Variants in EML5 observed in about 807,000 individuals in gnomAD.
The protein encoded by EML5 is echinoderm microtubule-associated protein-like 5.
EML5 carries 120 observed loss-of-function variants against 250.0 expected under a neutral mutation model. The ratio of observed to expected loss-of-function variants is 0.48; its 90% confidence interval spans 0.41 to 0.56. The LOEUF is 0.56. Ranked by LOEUF, EML5 falls within the 20% of genes least tolerant of loss-of-function variation. EML5 has a pLI of 0.00. For synonymous variants in EML5, 771 were observed against 806.5 expected (o/e 0.96, Z 0.75); for missense variants, 2,006 against 2,437.6 (o/e 0.82, Z 3.73).
At chr14:88,618,523 C>T in intron 40 of EML5, 127 bp downstream of exon 40, 1 of 1,216,758 alleles carries the variant, frequency 8.2e-7, no homozygotes, top group East Asian at 2.6e-5. Context: ...AGCTGTAGGT[C>T]AGAAGGTACA....
At chr14:88,655,700 T>C (rs1232245973) in intron 27 of EML5, among the ~76,000 whole-genome samples, 2 of 152,004 alleles carry the variant, frequency 1.3e-5, no homozygotes, top group Non-Finnish European at 2.9e-5. Flanking sequence ...ACCTACAGAA[T>C]GGGAGAAAAT....
At chr14:88,674,657 C>T (rs1355603716) in intron 21 of EML5, among the ~76,000 whole-genome samples, 1 of 152,182 alleles carries the variant, frequency 6.6e-6, no homozygotes, top group African/African-American at 2.4e-5. Context: ...CATGTCCTCA[C>T]ATTTCAAACC....
intron 8 of EML5, among the ~76,000 whole-genome samples, chr14:88,722,569 A>G (rs2093606673): frequency 6.6e-6 from 1 of 151,970 alleles, no homozygotes; most frequent in Non-Finnish European, 1.5e-5. Flanking sequence ...AACAATGAGA[A>G]CTATGGACAC....
chr14:88,783,151 A>G (rs1407176376), intron 1 of EML5, among the ~76,000 whole-genome samples: 4 of 152,252 alleles, frequency 2.6e-5, no homozygotes, highest in Non-Finnish European at 5.9e-5. Flanking sequence ...GGTATGTTGC[A>G]GGGGCGGAGC....
In EML5 at chr14:88,616,194, GA is replaced by G; in HGVS notation, c.5844del (p.Arg1949AspfsTer33). 1 of 1,613,902 alleles carries G rather than the reference GA, an allele frequency of 6.2e-7. No homozygotes were observed. The highest frequency in any genetic ancestry group is 8.5e-7 in the Non-Finnish European group (1 of 1,179,812). On this transcript the variant is annotated frameshift_variant, in exon 43 of 44. Coordinates refer to ENST00000554922, the MANE Select transcript of EML5 (RefSeq NM_183387.3). LOFTEE classifies it high-confidence loss of function. ...FLGHSPHVTN[I>X]RFTSGDRHVV... The stretch of plus-strand genomic sequence containing the variant: ...ACATGTCGATCACCACTGGTAAATC[GA>G]ATATTTGTCACATGGGGCGAATGAC...
chr14:88,763,751 TACTC>T (rs1465458888), intron 1 of EML5, among the ~76,000 whole-genome samples: 1 of 152,140 alleles, frequency 6.6e-6, no homozygotes, highest in Admixed American at 6.5e-5. Flanking sequence ...GATGCAAAAA[TACTC>T]AATAAAATAG....
chr14:88,657,380 C>T lies in EML5; in HGVS notation c.4000G>A (p.Glu1334Lys). The T allele has an allele frequency of 6.4e-7, 1 of 1,564,678 alleles. No homozygotes were observed. Among genetic ancestry groups the T allele is most frequent in the Non-Finnish European group, 8.7e-7 (1 of 1,153,522 alleles). The change falls in exon 27 of 44, where the codon GAA (glutamate) becomes AAA (lysine). Residue 1334 changes from glutamate (E) to lysine (K), a missense_variant. Glu to Lys is a moderately conservative substitution (Grantham distance 56, BLOSUM62 1). Transcript: ENST00000554922. ...HLQQKEPSID[E>K]RQGVVRGSRP... ...AATACTAAACTAAATTATTACCTTTCATCAATTGAGGGTTCTTTTTGTTGT... is the reference window on the plus strand; with the variant it reads ...AATACTAAACTAAATTATTACCTTTTATCAATTGAGGGTTCTTTTTGTTGT...
intron 36 of EML5, chr14:88,624,404 T>G (rs1238737862): frequency 6.5e-6 from 1 of 152,722 alleles, no homozygotes; most frequent in African/African-American, 2.4e-5. Flanking sequence ...TGCATATGAC[T>G]ATGTTGGTGA....
intron 1 of EML5, among the ~76,000 whole-genome samples, chr14:88,757,991 T>A (rs192728885): frequency 2.3e-4 from 35 of 150,752 alleles, no homozygotes; most frequent in African/African-American, 8.0e-4. Context: ...TAGCTGAGAC[T>A]ACAGGTGGGT....
In EML5 at chr14:88,697,167, T is replaced by C. The variant is rs148723377; in HGVS notation, c.2239-215A>G. ...CTAGGCTCAGTGTTTCCAGGAATGA[T>C]GTAACTAACACTATGTGACTTTTAT... On this transcript the variant is annotated intron_variant, in intron 14 of 43. Coordinates refer to ENST00000554922, the MANE Select transcript of EML5 (RefSeq NM_183387.3). 9.3e-3 allele frequency among the ~76,000 whole-genome samples: 1,424 copies of C among 152,318 alleles called. 25 individuals carry two copies. Among genetic ancestry groups the C allele is most frequent in the African/African-American group, 0.033 (1,358 of 41,570 alleles).
chr14:88,774,484 C>T (rs2094429116), intron 1 of EML5, among the ~76,000 whole-genome samples: 1 of 152,194 alleles, frequency 6.6e-6, no homozygotes, highest in Non-Finnish European at 1.5e-5. Flanking sequence ...TCCTGCTCTT[C>T]CTTTTCCCCT....
chr14:88,745,599 T>C (rs2093993813), intron 3 of EML5, among the ~76,000 whole-genome samples: 2 of 152,144 alleles, frequency 1.3e-5, no homozygotes, highest in Non-Finnish European at 2.9e-5. Flanking sequence ...ATAATACATA[T>C]GTAACAAATT....
chr14:88,705,599 T>C lies in EML5; in HGVS notation c.1826-11A>G. Reference sequence around the variant, plus strand: ...AGTCAGCCAGACTTTCTGTAATTTTTAAAAATGAAATGTTACTTGTTTAAA... The same window carrying C: ...AGTCAGCCAGACTTTCTGTAATTTTCAAAAATGAAATGTTACTTGTTTAAA... On this transcript the variant is annotated splice_polypyrimidine_tract_variant and intron_variant, in intron 11 of 43. Transcript: ENST00000554922. 6.5e-7 allele frequency: 1 copy of C among 1,549,104 alleles called. No homozygotes were observed. The highest frequency in any genetic ancestry group is 8.8e-7 in the Non-Finnish European group (1 of 1,139,936).
intron 28 of EML5, 36 bp downstream of exon 28, chr14:88,649,876 T>A (rs2091537953): frequency 6.9e-7 from 1 of 1,457,310 alleles, no homozygotes; most frequent in Non-Finnish European, 9.2e-7. Flanking sequence ...AAGGGTAAAT[T>A]TTTGAATAAA....
At chr14:88,767,558 G>A (rs1334339517) in intron 1 of EML5, among the ~76,000 whole-genome samples, 2 of 152,162 alleles carry the variant, frequency 1.3e-5, no homozygotes, top group South Asian at 2.1e-4. Context: ...TCATAATATT[G>A]TTACACTGTA....
At chr14:88,672,575 C>T (rs988884777) in intron 21 of EML5, among the ~76,000 whole-genome samples, 6 of 151,576 alleles carry the variant, frequency 4.0e-5, no homozygotes, top group South Asian at 4.2e-4. Flanking sequence ...GATAGAGACA[C>T]GAAAAGCGCG....
intron 25 of EML5, among the ~76,000 whole-genome samples, chr14:88,660,175 C>T: frequency 6.6e-6 from 1 of 150,828 alleles, no homozygotes; most frequent in Non-Finnish European, 1.5e-5. Flanking sequence ...CCCAGTTACT[C>T]AAGAGGCTGA....
At chr14:88,732,113 T>C (rs1238468773) in intron 7 of EML5, among the ~76,000 whole-genome samples, 2 of 152,230 alleles carry the variant, frequency 1.3e-5, no homozygotes, top group Non-Finnish European at 2.9e-5. Flanking sequence ...CCATTGCTTT[T>C]GGTGTTTTAG....
rs750397286 is a variant in EML5, at chr14:88,644,692, A to G, written c.4029-181T>C. The G allele has an allele frequency of 1.4e-5, 7 of 501,800 alleles. No individual in the cohort carries two copies. In the Admixed American group the frequency reaches 1.4e-4, roughly 10 times the overall value. 31.1% of individuals were successfully genotyped at this position (501,800 alleles called of 1,614,324 possible). ...TCTAAAGCAGGAAGGTAGAAAGAAA[A>G]TATTACAACTTTTATTCATTTTATT... On this transcript the variant is annotated intron_variant, in intron 29 of 43. Transcript: ENST00000554922.
Sources: gnomAD v4.1 joint callset for allele counts (sites outside exome capture counted in the v4.1 genomes callset) on GRCh38, gnomAD v4.1.1 for gene constraint, MANE v1.5 for transcripts, NCBI Gene and HGNC (gene_info 2026-07-23, HGNC 2026-07-21) for gene names.